The following KCNK10 variants were observed in gnomAD, a reference collection of about 807,000 sequenced individuals.
KCNK10 encodes the protein potassium channel subfamily K member 10.
A neutral mutation model predicts 47.7 loss-of-function variants in KCNK10; 25 were observed. The ratio of observed to expected loss-of-function variants is 0.52; its 90% CI spans 0.38 to 0.73. KCNK10 has a LOEUF of 0.73. Among genes scored for constraint, KCNK10 ranks in the 30% least tolerant of loss-of-function variants. KCNK10 has a pLI of 0.00. For missense variants in KCNK10, 563 were observed against 714.5 expected (o/e 0.79, Z 2.42); for synonymous variants, 303 against 285.6 (o/e 1.06, Z -0.61).
At chr14:88,261,330 G>A (rs1376694963) in intron 2 of KCNK10, among the ~76,000 whole-genome samples, 1 of 152,094 alleles carries the variant, frequency 6.6e-6, no homozygotes, top group Non-Finnish European at 1.5e-5. Context: ...GTGTATAAAT[G>A]TAATTATACT....
chr14:88,306,179 T>C (rs1325280323), intron 1 of KCNK10, among the ~76,000 whole-genome samples: 1 of 152,166 alleles, frequency 6.6e-6, no homozygotes, highest in East Asian at 1.9e-4. Flanking sequence ...AGAGCAGGAA[T>C]GGGGCCACTT....
chr14:88,230,174 CT>C (rs1271470367), intron 3 of KCNK10, among the ~76,000 whole-genome samples: 3 of 152,150 alleles, frequency 2.0e-5, no homozygotes, highest in African/African-American at 7.2e-5. Context: ...CCCCGTTTGC[CT>C]TGTGCTTTAC....
intron 3 of KCNK10, among the ~76,000 whole-genome samples, chr14:88,233,128 G>A (rs1259913369): frequency 3.3e-5 from 5 of 152,140 alleles, no homozygotes; most frequent in Non-Finnish European, 7.3e-5. Context: ...ACGCACACTC[G>A]CTTAAACAAC....
In KCNK10 at chr14:88,234,584, C is replaced by T. The variant is rs113724541; in HGVS notation, c.520+6119G>A. Reference sequence around the variant, plus strand: ...GAACCTCTCAAAAGGCATAGCTGGGCTTCAGAGAGCAATAAGGCAGGGAGT... The same window carrying T: ...GAACCTCTCAAAAGGCATAGCTGGGTTTCAGAGAGCAATAAGGCAGGGAGT... On this transcript the variant is annotated intron_variant, in intron 3 of 6. Coordinates refer to ENST00000319231, the MANE Select transcript of KCNK10 (RefSeq NM_138317.3). Among the ~76,000 whole-genome samples, 1,353 of 152,270 alleles carry T rather than the reference C, an allele frequency of 8.9e-3. 24 individuals carry two copies. Among genetic ancestry groups the T allele is most frequent in the African/African-American group, 0.03 (1,258 of 41,550 alleles).
chr14:88,242,246 C>T (rs1272785669), intron 2 of KCNK10, among the ~76,000 whole-genome samples: 1 of 152,206 alleles, frequency 6.6e-6, no homozygotes, highest in Non-Finnish European at 1.5e-5. Flanking sequence ...TACATTTTGC[C>T]TTCTTTCATC....
At chr14:88,290,975 G>A (rs559719305) in intron 1 of KCNK10, among the ~76,000 whole-genome samples, 59 of 152,354 alleles carry the variant, frequency 3.9e-4, no homozygotes, top group African/African-American at 1.4e-3. Flanking sequence ...GAACCGTGCT[G>A]TGGGAAGAGG....
At chr14:88,323,484 G>A (rs1282675295), upstream of KCNK10, among the ~76,000 whole-genome samples, 1 of 149,456 alleles carries the variant, frequency 6.7e-6, no homozygotes, top group Non-Finnish European at 1.5e-5. Context: ...GGCGAGCAGC[G>A]GACCGAGGCT....
At chr14:88,315,197 T>C (rs542201340) in intron 1 of KCNK10, among the ~76,000 whole-genome samples, 2 of 152,188 alleles carry the variant, frequency 1.3e-5, no homozygotes, top group Admixed American at 1.3e-4. Flanking sequence ...AGATCTATCA[T>C]AATCACCTCC....
chr14:88,270,904 T>C, intron 1 of KCNK10: 9 of 757,764 alleles, frequency 1.2e-5, no homozygotes, highest in Admixed American at 5.2e-5. Flanking sequence ...GCAGGCTCCA[T>C]GCCTTGCTCC....
Position 88,185,418 on chromosome 14 carries a change from C to T in KCNK10, c.*117G>A, listed in dbSNP as rs962382470. 11 of 1,369,848 alleles carry T rather than the reference C, an allele frequency of 8.0e-6. No homozygotes were observed. The African/African-American group carries it at 1.4e-4, about 18-fold the overall frequency. 84.9% of individuals were successfully genotyped at this position (1,369,848 alleles called of 1,614,324 possible). A position where few individuals can be genotyped will look rare whatever the true frequency, so the allele number is the denominator to read the frequency against. On this transcript the variant is annotated 3_prime_UTR_variant, in exon 7 of 7. Coordinates refer to ENST00000319231, the MANE Select transcript of KCNK10 (RefSeq NM_138317.3). The surrounding 1 kb of genome is among the most constrained non-coding windows in gnomAD (Gnocchi z 4.3). ...TTATGGCACAGTGAAATATATTCTT[C>T]AATGCTATGTAATTTTGGACTAAAA...
At chr14:88,263,020 A>G (rs113682577) in intron 2 of KCNK10, among the ~76,000 whole-genome samples, 182 bp downstream of exon 2, 3,459 of 151,548 alleles carry the variant, frequency 0.023, 69 homozygotes, top group Middle Eastern at 0.038. Context: ...CTTCCCCCAC[A>G]CTGTCACATG....
rs1470144271 is a variant in KCNK10 at position 88,181,124 on chromosome 14, T to G, written c.*4411A>C. ...CTCTGAATGTTTGTTTTCCTACGCCTTTCCCGTGGTTCAGAAACCCTGGTA... is the reference window on the plus strand; with the variant it reads ...CTCTGAATGTTTGTTTTCCTACGCCGTTCCCGTGGTTCAGAAACCCTGGTA... On this transcript the variant is annotated 3_prime_UTR_variant, in exon 7 of 7. Transcript: ENST00000319231. The G allele has an allele frequency of 1.4e-5, 4 of 285,278 alleles. No individual in the cohort carries two copies. Among genetic ancestry groups the G allele is most frequent in the Non-Finnish European group, 2.6e-5 (4 of 154,928 alleles). 17.7% of individuals were successfully genotyped at this position (285,278 alleles called of 1,614,324 possible).
In KCNK10 at chr14:88,263,318, G is replaced by T; in HGVS notation, c.286C>A (p.Arg96=). The change falls in exon 2 of 7, where the codon CGG becomes AGG. Residue 96 remains arginine (R), a synonymous_variant. Transcript: ENST00000319231. ...CTCTCAAAGGGCTGCTCCAATGCCC[G>T]GAAGACAAGACCGCCAGTGACAAGG... ...VYLVTGGLVF[R]ALEQPFESSQ... 6.2e-7 allele frequency: 1 copy of T among 1,613,954 alleles called. No homozygotes were observed. Among genetic ancestry groups the T allele is most frequent in the Non-Finnish European group, 8.5e-7 (1 of 1,180,038 alleles).
intron 4 of KCNK10, among the ~76,000 whole-genome samples, chr14:88,224,074 T>A (rs1177619994): frequency 2.0e-5 from 3 of 152,158 alleles, no homozygotes; most frequent in Admixed American, 2.0e-4. Context: ...CATTTGGGTT[T>A]GGTTATGCAC....
At chr14:88,316,591 C>T (rs988115809) in intron 1 of KCNK10, among the ~76,000 whole-genome samples, 1 of 152,206 alleles carries the variant, frequency 6.6e-6, no homozygotes, top group Non-Finnish European at 1.5e-5. Context: ...ATTCTGTAAA[C>T]ATGCCATGCA....
At chr14:88,248,474 A>T (rs1886703084) in intron 2 of KCNK10, among the ~76,000 whole-genome samples, 1 of 152,148 alleles carries the variant, frequency 6.6e-6, no homozygotes, top group Non-Finnish European at 1.5e-5. Flanking sequence ...CATGCCAATA[A>T]TCCCCATACT....
At chr14:88,247,337 C>T (rs569318637) in intron 2 of KCNK10, among the ~76,000 whole-genome samples, 2 of 152,250 alleles carry the variant, frequency 1.3e-5, no homozygotes, top group East Asian at 1.9e-4. Flanking sequence ...CAAGCCTGGG[C>T]TGACCTGAGT....
intron 1 of KCNK10, chr14:88,270,708 C>T (rs895202647): frequency 3.8e-6 from 3 of 780,810 alleles, no homozygotes; most frequent in African/African-American, 3.4e-5. Context: ...CTTTCCTGTC[C>T]CCTTAGTCCA....
upstream of KCNK10, among the ~76,000 whole-genome samples, chr14:88,324,655 C>T (rs1285460708): frequency 6.6e-6 from 1 of 152,114 alleles, no homozygotes; most frequent in Admixed American, 6.5e-5. Context: ...ATTGTTGTTG[C>T]CTTTACTTAC....
Sources: allele counts gnomAD v4.1 joint callset (sites outside exome capture counted in the v4.1 genomes callset), GRCh38; gene constraint gnomAD v4.1.1; non-coding constraint Gnocchi (gnomAD v3.1); transcripts MANE v1.5; gene names NCBI Gene and HGNC (gene_info 2026-07-23, HGNC 2026-07-21).